The following SH3BGRL2 variants were observed in gnomAD, a reference collection of about 807,000 sequenced individuals.
SH3BGRL2 encodes SH3 domain-binding glutamic acid-rich-like protein 2.
In SH3BGRL2, 21 loss-of-function variants were observed where a neutral mutation model predicts 14.8. That is an observed-to-expected ratio of 1.42 (90% CI 1.01 to 2.05). The LOEUF (loss-of-function observed/expected upper bound fraction) is 2.05. Among genes scored for constraint, SH3BGRL2 ranks in the 30% most tolerant of loss-of-function variants. The pLI, the probability that SH3BGRL2 is intolerant of heterozygous loss-of-function variation, is 0.00. For missense variants in SH3BGRL2, 147 were observed against 130.8 expected (o/e 1.12, Z -0.61); for synonymous variants, 50 against 47.8 (o/e 1.05, Z -0.19).
the SH3BGRL2 span, among the ~76,000 whole-genome samples, chr6:79,569,348 T>C: frequency 3.3e-5 from 5 of 152,288 alleles, no homozygotes; most frequent in South Asian, 8.3e-4. Context: ...AGATTGTAAA[T>C]GTTTCTTATC....
At chr6:79,584,376 G>A in the SH3BGRL2 span, among the ~76,000 whole-genome samples, 1 of 152,124 alleles carries the variant, frequency 6.6e-6, no homozygotes, top group Admixed American at 6.5e-5. Context: ...GGTAGTGGGG[G>A]ATGCTAAAGG....
chr6:79,569,417 G>A, the SH3BGRL2 span, among the ~76,000 whole-genome samples: 1 of 152,162 alleles, frequency 6.6e-6, no homozygotes, highest in Admixed American at 6.5e-5. Context: ...AAAAAGACCT[G>A]GTAAGGGAAA....
chr6:79,643,427 T>A lies in SH3BGRL2; in HGVS notation c.45+11921T>A, dbSNP rs141127155. Reference sequence around the variant, plus strand: ...ATTGTGCAGGACTCCTGAGGAGTGGTTCCAGAGGTCTCCACTCAGCTGCTG... The same window carrying A: ...ATTGTGCAGGACTCCTGAGGAGTGGATCCAGAGGTCTCCACTCAGCTGCTG... On this transcript the variant is annotated intron_variant, in intron 1 of 3. Transcript: ENST00000369838. 7.1e-3 allele frequency among the ~76,000 whole-genome samples: 1,088 copies of A among 152,264 alleles called. 18 individuals carry two copies. The highest frequency in any genetic ancestry group is 0.024 in the African/African-American group (1,007 of 41,548).
chr6:79,694,329 A>G (rs1770286634), intron 2 of SH3BGRL2, among the ~76,000 whole-genome samples: 2 of 152,352 alleles, frequency 1.3e-5, no homozygotes, highest in African/African-American at 2.4e-5. Flanking sequence ...ATAGTCAACA[A>G]ATTGTCAGGC....
chr6:79,628,325 G>T (rs1389674796), upstream of SH3BGRL2, among the ~76,000 whole-genome samples: 1 of 150,446 alleles, frequency 6.6e-6, no homozygotes, highest in Admixed American at 6.6e-5. Flanking sequence ...ACTACTAAAG[G>T]GTCCTTGGCA....
chr6:79,547,083 TTC>T, the SH3BGRL2 span, among the ~76,000 whole-genome samples: 5 of 152,148 alleles, frequency 3.3e-5, no homozygotes, highest in Non-Finnish European at 5.9e-5. Flanking sequence ...GTAGAGACTA[TTC>T]TCTGTTTCTA....
chr6:79,614,421 C>G, the SH3BGRL2 span, among the ~76,000 whole-genome samples: 24 of 152,198 alleles, frequency 1.6e-4, no homozygotes, highest in East Asian at 4.3e-3. Context: ...AGGGATTTCC[C>G]CAGGGCACTG....
chr6:79,653,445 T>G (rs752319387), intron 1 of SH3BGRL2, among the ~76,000 whole-genome samples: 2 of 152,230 alleles, frequency 1.3e-5, no homozygotes, highest in African/African-American at 2.4e-5. Flanking sequence ...TTTATATATT[T>G]TAGAACTTAT....
At chr6:79,659,779 T>G (rs9361544) in intron 1 of SH3BGRL2, among the ~76,000 whole-genome samples, 14,945 of 152,212 alleles carry the variant, frequency 0.098, 1,048 homozygotes, top group East Asian at 0.32. Context: ...GAGCATGGAA[T>G]GTTTTTTCAT....
At chr6:79,589,204 A>ATT in the SH3BGRL2 span, among the ~76,000 whole-genome samples, 9,535 of 85,204 alleles carry the variant, frequency 0.11, 389 homozygotes, top group Non-Finnish European at 0.17. Flanking sequence ...ATATATATAT[A>ATT]TATTTTTTTT....
the SH3BGRL2 span, chr6:79,552,685 T>C: frequency 6.6e-6 from 1 of 152,178 alleles, no homozygotes; most frequent in Non-Finnish European, 1.5e-5. Context: ...ACTTTATTTT[T>C]AGTTTACAGA....
chr6:79,541,430 A>C, the SH3BGRL2 span, among the ~76,000 whole-genome samples: 1 of 152,108 alleles, frequency 6.6e-6, no homozygotes, highest in Non-Finnish European at 1.5e-5. Flanking sequence ...CCAAGTGCTC[A>C]ATGTTATTAA....
the SH3BGRL2 span, among the ~76,000 whole-genome samples, chr6:79,590,747 G>A: frequency 1.3e-5 from 2 of 151,710 alleles, no homozygotes; most frequent in Non-Finnish European, 2.9e-5. Flanking sequence ...CTGGGTAATG[G>A]GATCATCCAT....
intron 2 of SH3BGRL2, among the ~76,000 whole-genome samples, chr6:79,690,141 G>A (rs1431324254): frequency 6.6e-6 from 1 of 151,926 alleles, no homozygotes; most frequent in African/African-American, 2.4e-5. Flanking sequence ...GCAGGCACAT[G>A]CTGCCATCCC....
At chr6:79,576,349 T>G in the SH3BGRL2 span, among the ~76,000 whole-genome samples, 1 of 152,188 alleles carries the variant, frequency 6.6e-6, no homozygotes, top group Non-Finnish European at 1.5e-5. Context: ...CAGTAATCAT[T>G]TGTTAGTGGT....
chr6:79,608,335 G>T, the SH3BGRL2 span, among the ~76,000 whole-genome samples: 9 of 152,178 alleles, frequency 5.9e-5, no homozygotes, highest in Non-Finnish European at 1.3e-4. Flanking sequence ...TTCCTAGAGG[G>T]ACAGTCCCCA....
the SH3BGRL2 span, among the ~76,000 whole-genome samples, chr6:79,571,874 A>T: frequency 4.6e-5 from 7 of 152,234 alleles, no homozygotes; most frequent in Non-Finnish European, 1.0e-4. Flanking sequence ...AGGTTTACCC[A>T]TAATGATCTA....
intron 2 of SH3BGRL2, among the ~76,000 whole-genome samples, chr6:79,686,496 A>G (rs1349389063): frequency 9.9e-5 from 15 of 151,970 alleles, no homozygotes; most frequent in Admixed American, 9.8e-4. Flanking sequence ...CTAGATCTCT[A>G]GCCTGGTTTT....
At chr6:79,587,711 T>C in the SH3BGRL2 span, among the ~76,000 whole-genome samples, 1 of 152,166 alleles carries the variant, frequency 6.6e-6, no homozygotes. Context: ...TGACAAAAGA[T>C]AAATTAACAA....
Sources: allele counts gnomAD v4.1 joint callset (sites outside exome capture counted in the v4.1 genomes callset), GRCh38; gene constraint gnomAD v4.1.1; transcripts MANE v1.5; gene names NCBI Gene and HGNC (gene_info 2026-07-23, HGNC 2026-07-21).